Variants in PRSS55 observed in about 807,000 individuals in gnomAD.
PRSS55 encodes serine protease 55, also known as probable serine protease UNQ9391/PRO34284.
In PRSS55, 41 loss-of-function variants were observed where a neutral mutation model predicts 23.6. That is an observed-to-expected ratio of 1.74 (90% CI 1.35 to 2.26). PRSS55 has a LOEUF of 2.26. PRSS55 is among the 30% of genes most tolerant of loss of function. The pLI is 0.00. For missense variants in PRSS55, 669 were observed against 439.1 expected, an observed-to-expected ratio of 1.52 and a Z score of -4.68; for synonymous variants, 262 against 175.5, an observed-to-expected ratio of 1.49 and a Z score of -3.90.
chr8:10,543,918 T>G (rs555604069), intron 4 of PRSS55, among the ~76,000 whole-genome samples: 1 of 152,330 alleles, frequency 6.6e-6, no homozygotes, highest in South Asian at 2.1e-4. Flanking sequence ...TTTTAAAAAT[T>G]TGAGAATTGC....
intron 4 of PRSS55, among the ~76,000 whole-genome samples, chr8:10,537,999 C>G (rs1488749455): frequency 3.3e-5 from 5 of 152,150 alleles, no homozygotes; most frequent in Non-Finnish European, 2.9e-5. Context: ...TTCTGAAAAG[C>G]GTGGCTGAAT....
Position 10,525,657 on chromosome 8 carries a change from C to T in PRSS55, c.72C>T (p.Leu24=). ...CTCAGCTCGGTCCACGGACTCCTCT[C>T]CCAGAGGCTGGAGTGGCTATCCTAG... ...TGTQLGPRTP[L]PEAGVAILGR... The change falls in exon 1 of 5, where the codon CTC becomes CTT. Residue 24 remains leucine (L), a synonymous_variant. Transcript: ENST00000328655. 1.2e-6 allele frequency: 2 copies of T among 1,614,174 alleles called. No homozygotes were observed. Among genetic ancestry groups the T allele is most frequent in the Non-Finnish European group, 1.7e-6 (2 of 1,180,028 alleles).
intron 4 of PRSS55, among the ~76,000 whole-genome samples, chr8:10,549,374 G>A (rs574182622): frequency 3.9e-5 from 6 of 152,322 alleles, no homozygotes; most frequent in South Asian, 4.1e-4. Flanking sequence ...GGAGATGGTT[G>A]TAAGAGCCTA....
At chr8:10,534,921 C>A (rs550951970) in intron 4 of PRSS55, among the ~76,000 whole-genome samples, 2 of 152,248 alleles carry the variant, frequency 1.3e-5, no homozygotes, top group African/African-American at 2.4e-5. Context: ...ATACACCAGA[C>A]AACACACAAG....
At chr8:10,538,962 G>A (rs1812557206), downstream of PRSS55, 1 of 560,374 alleles carries the variant, frequency 1.8e-6, no homozygotes, top group African/African-American at 1.9e-5. Flanking sequence ...TTGGGTCTGT[G>A]GATTAGTCAG....
At chr8:10,532,495 G>A (rs907988360) in intron 3 of PRSS55, among the ~76,000 whole-genome samples, 14 of 152,222 alleles carry the variant, frequency 9.2e-5, no homozygotes, top group South Asian at 4.2e-4. Flanking sequence ...TTTTTTCACC[G>A]GGAGTGCAAA....
At chr8:10,546,421 G>A (rs531211958) in intron 4 of PRSS55, among the ~76,000 whole-genome samples, 1 of 152,080 alleles carries the variant, frequency 6.6e-6, no homozygotes, top group Non-Finnish European at 1.5e-5. Flanking sequence ...CCCTGCAACA[G>A]GATCAAGTCC....
chr8:10,535,255 G>A (rs1053411097), intron 4 of PRSS55, among the ~76,000 whole-genome samples: 17 of 152,198 alleles, frequency 1.1e-4, no homozygotes, highest in Admixed American at 5.2e-4. Flanking sequence ...AGCCCAAGTA[G>A]CCAAGGCAAT....
chr8:10,532,900 G>A lies in PRSS55; in HGVS notation c.599-6G>A, dbSNP rs757373875. On this transcript the variant is annotated splice_polypyrimidine_tract_variant and splice_region_variant and intron_variant, in intron 3 of 4. Transcript: ENST00000328655. ...GCTTCTCTAATGCGCTTTCTCTCTG[G>A]GCCAGCTGACAAAAACTCTGTGAAA... 4 of 1,614,114 alleles carry A rather than the reference G, an allele frequency of 2.5e-6. No individual in the cohort carries two copies. The highest frequency in any genetic ancestry group is 3.4e-6 in the Non-Finnish European group (4 of 1,180,006).
At chr8:10,538,068 T>C (rs929073190) in intron 4 of PRSS55, among the ~76,000 whole-genome samples, 1 of 152,192 alleles carries the variant, frequency 6.6e-6, no homozygotes, top group Non-Finnish European at 1.5e-5. Context: ...ACCCAGTTCT[T>C]AGCCCTGCAA....
In PRSS55 at chr8:10,531,165, T is replaced by C. The variant is rs115415429; in HGVS notation, c.348-130T>C. 4,309 of 1,115,960 alleles carry C rather than the reference T, an allele frequency of 3.9e-3. 128 individuals are homozygous for C. In the African/African-American group the frequency reaches 0.061, roughly 16 times the overall value. The allele number at this position is 1,115,960 out of a possible 1,614,324, so 69.1% of individuals were successfully genotyped here. On this transcript the variant is annotated intron_variant, in intron 2 of 4. Transcript: ENST00000328655. ...TTTTTCCAATCCTCACACCTTCTGA[T>C]CAACAGCCCCAGTAGGGTTTAAAGG...
intron 4 of PRSS55, 72 bp from the exon 5 acceptor site, chr8:10,538,404 A>G (rs1355876212): frequency 4.5e-5 from 54 of 1,199,428 alleles, no homozygotes; most frequent in Non-Finnish European, 6.0e-5. Flanking sequence ...TCTTCCATGA[A>G]TGAGCTGTGC....
intron 2 of PRSS55, 49 bp downstream of exon 2, chr8:10,529,748 G>A: frequency 6.4e-7 from 1 of 1,556,486 alleles, no homozygotes; most frequent in Admixed American, 1.7e-5. Context: ...GCCCACCCCT[G>A]GGGCACCCTC....
In PRSS55 at chr8:10,551,541, G is replaced by T. The variant is rs139900935; in HGVS notation, c.742-2402G>T. Among the ~76,000 whole-genome samples the T allele has an allele frequency of 5.4e-3, 817 of 152,320 alleles. 7 individuals carry two copies. The highest frequency in any genetic ancestry group is 0.019 in the African/African-American group (788 of 41,566). ...AGGACACAAATCCCAGCAGATCGAG[G>T]ACCAGCTTCCCTGTGACTGCATGTC... On this transcript the variant is annotated intron_variant, in intron 4 of 4. Transcript: ENST00000522210.
At chr8:10,540,691 G>T (rs527984279), downstream of PRSS55, 1 of 152,034 alleles carries the variant, frequency 6.6e-6, no homozygotes, top group African/African-American at 2.4e-5. Context: ...CTCCGGCCTG[G>T]GCATCAAGAG....
rs1811995522 is a variant in PRSS55, at chr8:10,525,719, A to AGCCCCG, written c.134_135insGCCCCG (p.His45delinsGlnProArg). On this transcript the variant is annotated protein_altering_variant, in exon 1 of 5. Coordinates refer to ENST00000328655, the MANE Select transcript of PRSS55 (RefSeq NM_198464.4). ...GGAGCCCACCGCCCTCAGCCCCCTC[A>AGCCCCG]TCCCCCCAGCCCAGTCAGTGGTGAG... The AGCCCCG allele has an allele frequency of 6.2e-7, 1 of 1,609,646 alleles. No homozygotes were observed. The highest frequency in any genetic ancestry group is 8.5e-7 in the Non-Finnish European group (1 of 1,178,210).
intron 4 of PRSS55, among the ~76,000 whole-genome samples, chr8:10,551,502 G>A (rs1170964859): frequency 6.6e-6 from 1 of 152,168 alleles, no homozygotes; most frequent in Non-Finnish European, 1.5e-5. Flanking sequence ...CAGCACAGGT[G>A]GAGGCATGAA....
In PRSS55 at chr8:10,547,395, A is replaced by C. The variant is rs1324600541; in HGVS notation, c.742-6548A>C. ...ACTGGAAGCCTGCACTGTTTTGCAG[A>C]GCTGCTTCTAGACTTATCCCCACCC... On this transcript the variant is annotated intron_variant, in intron 4 of 4. Coordinates refer to the PRSS55 transcript ENST00000522210. 8 of 152,188 alleles carry C rather than the reference A, an allele frequency of 5.3e-5. No individual in the cohort carries two copies. The East Asian group carries it at 1.6e-3, about 30-fold the overall frequency. 9.4% of individuals were successfully genotyped at this position (152,188 alleles called of 1,614,324 possible). A position where few individuals can be genotyped will look rare whatever the true frequency, so the allele number is the denominator to read the frequency against.
At chr8:10,545,733 C>A (rs893935749) in intron 4 of PRSS55, among the ~76,000 whole-genome samples, 4 of 152,174 alleles carry the variant, frequency 2.6e-5, no homozygotes, top group East Asian at 3.9e-4. Flanking sequence ...ACTGTAGAGA[C>A]ATGTGTTATT....
Sources: allele counts gnomAD v4.1 joint callset (sites outside exome capture counted in the v4.1 genomes callset), GRCh38; gene constraint gnomAD v4.1.1; transcripts MANE v1.5; gene names NCBI Gene and HGNC (gene_info 2026-07-23, HGNC 2026-07-21).